GAS7: variants seen among roughly 807,000 people sequenced by gnomAD.
The protein encoded by GAS7 is growth arrest specific 7, also known as growth arrest-specific protein 7.
Under a neutral mutation model 71.1 loss-of-function variants are expected in GAS7, and 28 were observed. That is an observed-to-expected ratio of 0.39 (90% CI 0.29 to 0.54). GAS7 has a LOEUF of 0.54. Among genes scored for constraint, GAS7 ranks in the 20% least tolerant of loss-of-function variants. GAS7 has a pLI of 0.62. For missense variants in GAS7, 436 were observed against 627.8 expected (o/e 0.69, Z 3.27); for synonymous variants, 258 against 245.8 (o/e 1.05, Z -0.46).
rs975836550 is a variant in GAS7, at chr17:10,198,488, G to A, written c.-98C>T. On this transcript the variant is annotated 5_prime_UTR_variant, in exon 1 of 14. Coordinates refer to ENST00000432992, the MANE Select transcript of GAS7 (RefSeq NM_201433.2). ...GGGTCCCAGGCGCCCGGCGCTCCGG[G>A]CTCCCGCGCTCTGGGCGCGCGCCGT... 3.2e-4 allele frequency: 280 copies of A among 863,260 alleles called. 3 individuals are homozygous for A. The highest frequency in any genetic ancestry group is 2.4e-3 in the South Asian group (96 of 39,274). The allele number at this position is 863,260 out of a possible 1,614,324, so 53.5% of individuals were successfully genotyped here.
Position 9,981,221 on chromosome 17 carries a change from G to C in GAS7, c.385+583C>G, listed in dbSNP as rs1474446126. 2.1e-5 allele frequency among the ~76,000 whole-genome samples: 3 copies of C among 144,506 alleles called. No individual in the cohort carries two copies. Among genetic ancestry groups the C allele is most frequent in the Admixed American group, 6.8e-5 (1 of 14,748 alleles). The allele number at this position is 144,506 out of a possible 152,430, so 94.8% of individuals were successfully genotyped here. A position where few individuals can be genotyped will look rare whatever the true frequency, so the allele number is the denominator to read the frequency against. Reference sequence around the variant, plus strand: ...GAACAAGAATCCATTGAACCCAGAAGGGGAGGTTGCAGTGAGCCGAGACTG... The same window carrying C: ...GAACAAGAATCCATTGAACCCAGAACGGGAGGTTGCAGTGAGCCGAGACTG... On this transcript the variant is annotated intron_variant, in intron 3 of 13. Transcript: ENST00000432992. This position sits in a 1 kb window ranked among gnomAD's most constrained non-coding sequence, Gnocchi z 4.4.
intron 8 of GAS7, 42 bp downstream of exon 8, chr17:9,940,084 C>A (rs1597491007): frequency 9.3e-7 from 1 of 1,071,214 alleles, no homozygotes; most frequent in Non-Finnish European, 1.5e-6. Flanking sequence ...TCCTCAGTGA[C>A]CCCCCATCCT....
intron 1 of GAS7, among the ~76,000 whole-genome samples, chr17:10,093,181 A>T (rs903918908): frequency 1.3e-5 from 2 of 152,098 alleles, no homozygotes; most frequent in Non-Finnish European, 2.9e-5. Context: ...GACAAGACCA[A>T]CCCCTTGTCA....
At chr17:10,020,533 A>T (rs1180563245) in intron 1 of GAS7, among the ~76,000 whole-genome samples, 1 of 152,174 alleles carries the variant, frequency 6.6e-6, no homozygotes. Flanking sequence ...CCATGTATAG[A>T]ATTACTTTTC....
chr17:10,001,657 G>A (rs2071273698), intron 2 of GAS7, among the ~76,000 whole-genome samples: 1 of 152,184 alleles, frequency 6.6e-6, no homozygotes, highest in Admixed American at 6.5e-5. Context: ...GAAATGCAAG[G>A]AAGAGCTTAA....
At chr17:10,119,267 G>A (rs889048792) in intron 1 of GAS7, among the ~76,000 whole-genome samples, 13 of 152,190 alleles carry the variant, frequency 8.5e-5, no homozygotes, top group African/African-American at 3.1e-4. Context: ...CAATTTTAGA[G>A]AGTTCAAGAT....
At chr17:10,112,541 G>A (rs1327092655) in intron 1 of GAS7, among the ~76,000 whole-genome samples, 1 of 152,160 alleles carries the variant, frequency 6.6e-6, no homozygotes, top group Non-Finnish European at 1.5e-5. Flanking sequence ...TTCGAGACCA[G>A]CCTGACCAAC....
At chr17:10,067,741 T>A (rs8072479) in intron 1 of GAS7, among the ~76,000 whole-genome samples, 1 of 151,966 alleles carries the variant, frequency 6.6e-6, no homozygotes, top group Non-Finnish European at 1.5e-5. Context: ...TGAAAATACA[T>A]CCCAGACACT....
Position 10,046,844 on chromosome 17 carries a change from GGAAA to G in GAS7, c.184-26951_184-26948del, listed in dbSNP as rs1349154706. Among the ~76,000 whole-genome samples the G allele has an allele frequency of 1.6e-3, 128 of 80,914 alleles. 18 individuals carry two copies. Among genetic ancestry groups the G allele is most frequent in the African/African-American group, 6.7e-3 (104 of 15,418 alleles). The allele number at this position is 80,914 out of a possible 152,430, so 53.1% of individuals were successfully genotyped here. A position where few individuals can be genotyped will look rare whatever the true frequency, so the allele number is the denominator to read the frequency against. On this transcript the variant is annotated intron_variant, in intron 1 of 13. Transcript: ENST00000432992. ...AGGAAGGAAGGAAGGAAGGAAGGAA[GGAAA>G]GAAAAGAAAAGAAAAAAGAAAAGAA...
intron 7 of GAS7, among the ~76,000 whole-genome samples, chr17:9,942,542 A>T (rs932469115): frequency 6.6e-6 from 1 of 152,158 alleles, no homozygotes; most frequent in African/African-American, 2.4e-5. Context: ...TAGACAAAAC[A>T]CTGTTATAAT....
At chr17:10,184,715 G>T (rs2074439310) in intron 1 of GAS7, among the ~76,000 whole-genome samples, 3 of 152,126 alleles carry the variant, frequency 2.0e-5, no homozygotes, top group African/African-American at 7.2e-5. Flanking sequence ...TAGGAATGTT[G>T]TTTGTTATTC....
chr17:10,150,294 G>T (rs1218142690), intron 1 of GAS7, among the ~76,000 whole-genome samples: 2 of 151,902 alleles, frequency 1.3e-5, no homozygotes, highest in Non-Finnish European at 2.9e-5. Flanking sequence ...CAAACCCCAG[G>T]CACTCTCTTG....
chr17:10,120,435 C>G (rs1205278772), intron 1 of GAS7, among the ~76,000 whole-genome samples: 1 of 152,078 alleles, frequency 6.6e-6, no homozygotes, highest in Non-Finnish European at 1.5e-5. Flanking sequence ...CCTAAGAGTA[C>G]GAGTAGAAGG....
At chr17:9,942,652 G>A (rs116863996) in intron 7 of GAS7, among the ~76,000 whole-genome samples, 1,575 of 152,246 alleles carry the variant, frequency 0.01, 76 homozygotes, top group Admixed American at 0.075. Context: ...CCCCCCCACT[G>A]GTTACGGTAA....
intron 9 of GAS7, among the ~76,000 whole-genome samples, chr17:9,931,491 G>A (rs1331230334): frequency 2.6e-5 from 4 of 152,088 alleles, no homozygotes; most frequent in African/African-American, 4.8e-5. Flanking sequence ...ATGGCAGCCC[G>A]CCCAGGATCT....
At chr17:10,163,178 T>C (rs2074269030) in intron 1 of GAS7, among the ~76,000 whole-genome samples, 1 of 152,200 alleles carries the variant, frequency 6.6e-6, no homozygotes, top group South Asian at 2.1e-4. Context: ...TCGCGTGATC[T>C]CGGCTCACTG....
At chr17:9,980,351 C>G (rs931791492) in intron 3 of GAS7, among the ~76,000 whole-genome samples, 2 of 152,184 alleles carry the variant, frequency 1.3e-5, no homozygotes, top group African/African-American at 4.8e-5. Flanking sequence ...TGCGTCCCAC[C>G]TCCCTCTTCC....
At position 9,969,564 on chromosome 17, in the gene GAS7, T is replaced by C. The variant is rs953319760; in HGVS notation, c.471+113A>G. On this transcript the variant is annotated intron_variant, in intron 4 of 13. Transcript: ENST00000432992. The surrounding 1 kb of genome is among the most constrained non-coding windows in gnomAD (Gnocchi z 5.5). ...CCAGACACAGCAACCACTTTCTACCTGGGGGCAGAACTGGGCTGCAGCCAC... is the reference window on the plus strand; with the variant it reads ...CCAGACACAGCAACCACTTTCTACCCGGGGGCAGAACTGGGCTGCAGCCAC... 4.4e-6 allele frequency: 3 copies of C among 679,666 alleles called. No homozygotes were observed. The highest frequency in any genetic ancestry group is 8.1e-6 in the Non-Finnish European group (3 of 370,594). The allele number at this position is 679,666 out of a possible 1,614,324, so 42.1% of individuals were successfully genotyped here. A position where few individuals can be genotyped will look rare whatever the true frequency, so the allele number is the denominator to read the frequency against.
intron 2 of GAS7, among the ~76,000 whole-genome samples, chr17:9,988,052 C>T (rs1453891227): frequency 3.3e-5 from 5 of 152,258 alleles, no homozygotes; most frequent in Non-Finnish European, 5.9e-5. Flanking sequence ...AGGAAATGGA[C>T]TCTGGGGTCT....
Sources: gnomAD v4.1 joint callset for allele counts (sites outside exome capture counted in the v4.1 genomes callset) on GRCh38, gnomAD v4.1.1 for gene constraint, Gnocchi (gnomAD v3.1) non-coding constraint, MANE v1.5 for transcripts, NCBI Gene and HGNC (gene_info 2026-07-23, HGNC 2026-07-21) for gene names.